The following WDR64 variants were observed in gnomAD, a reference collection of about 807,000 sequenced individuals.
The protein encoded by WDR64 is WD repeat domain 64.
A neutral mutation model predicts 139.3 loss-of-function variants in WDR64; 112 were observed. The observed-to-expected ratio is 0.80, with a 90% CI of 0.69 to 0.94. The LOEUF (loss-of-function observed/expected upper bound fraction) is 0.94, where lower values mean the gene tolerates loss of function less well. Ranked by LOEUF, WDR64 falls within the 40% of genes least tolerant of loss-of-function variation. The probability of loss-of-function intolerance (pLI) is 0.00; values close to 1 mark genes in which losing one functional copy is unlikely to be tolerated. For synonymous variants in WDR64, 444 were observed against 437.7 expected (o/e 1.01, Z -0.18); for missense variants, 1,206 against 1,293.1 (o/e 0.93, Z 1.03).
chr1:241,777,667 C>T (rs1178808630), intron 21 of WDR64, among the ~76,000 whole-genome samples: 1 of 152,160 alleles, frequency 6.6e-6, no homozygotes, highest in South Asian at 2.1e-4. Flanking sequence ...ATCCACCCAC[C>T]TCAGCCTCCC....
intron 1 of WDR64, among the ~76,000 whole-genome samples, chr1:241,653,000 T>C (rs761253362): frequency 2.0e-5 from 3 of 152,212 alleles, no homozygotes; most frequent in Non-Finnish European, 4.4e-5. Context: ...AGCCTAAAGA[T>C]ATCATGAGAC....
chr1:241,681,966 G>C (rs865929322), intron 6 of WDR64, among the ~76,000 whole-genome samples: 14 of 152,094 alleles, frequency 9.2e-5, no homozygotes, highest in Middle Eastern at 6.8e-3. Context: ...CCCACTTTTT[G>C]ATGAGATTGT....
In WDR64 at chr1:241,757,545, CAA is replaced by C. The variant is rs563219809; in HGVS notation, c.1947+88_1947+89del. ...ATATATAAAGGTACAGAAAATAATA[CAA>C]AGAGCTTCTATGTGTTATCACTCAG... On this transcript the variant is annotated intron_variant, in intron 15 of 27. Coordinates refer to ENST00000437684, the MANE Select transcript of WDR64 (RefSeq NM_001367482.1). 1.6e-3 allele frequency: 2,057 copies of C among 1,261,862 alleles called. 10 individuals are homozygous for C. Among genetic ancestry groups the C allele is most frequent in the Middle Eastern group, 0.014 (51 of 3,656 alleles). The allele number at this position is 1,261,862 out of a possible 1,614,324, so 78.2% of individuals were successfully genotyped here.
intron 11 of WDR64, among the ~76,000 whole-genome samples, chr1:241,739,970 CTGT>C (rs10536871): frequency 0.15 from 23,309 of 152,226 alleles, 1,976 homozygotes; most frequent in African/African-American, 0.19. Flanking sequence ...GCTGCTGTCA[CTGT>C]TGTTATCATT....
chr1:241,735,847 CTCTCTCTCTGTG>C (rs1185212355), intron 10 of WDR64, among the ~76,000 whole-genome samples: 1,032 of 102,670 alleles, frequency 0.01, 2 homozygotes, highest in Non-Finnish European at 0.012. Flanking sequence ...CTCTCTCTCT[CTCTCTCTCTGTG>C]TGTGTGTGTG....
At chr1:241,770,542 T>C in intron 17 of WDR64, 79 bp from the exon 18 acceptor site, 2 of 1,303,884 alleles carry the variant, frequency 1.5e-6, no homozygotes, top group South Asian at 2.7e-5. Context: ...CAGCTGAAAT[T>C]AAAGCAGAGA....
At chr1:241,790,954 G>A (rs988787886) in intron 25 of WDR64, among the ~76,000 whole-genome samples, 2 of 152,062 alleles carry the variant, frequency 1.3e-5, no homozygotes, top group Admixed American at 6.6e-5. Context: ...AGAGAAGACC[G>A]TATTCCTTAG....
chr1:241,747,304 G>T (rs867757601), intron 13 of WDR64, among the ~76,000 whole-genome samples: 16 of 152,076 alleles, frequency 1.1e-4, no homozygotes, highest in Admixed American at 1.3e-4. Context: ...GTAAAAAACT[G>T]GTAAAATCTG....
At chr1:241,714,684 A>T (rs903332867) in intron 9 of WDR64, among the ~76,000 whole-genome samples, 1 of 152,200 alleles carries the variant, frequency 6.6e-6, no homozygotes, top group African/African-American at 2.4e-5. Flanking sequence ...AAATTAGCTT[A>T]TGGTTCCAAC....
chr1:241,736,415 T>TAAAAAAAAA lies in WDR64; in HGVS notation c.1195-1938_1195-1930dup, dbSNP rs59588872. On this transcript the variant is annotated intron_variant, in intron 10 of 27. Transcript: ENST00000437684. ...CTTTAGTTCTCTTTATGGAAGAGTT[T>TAAAAAAAAA]AAAAAAAAAAAAAAAAAAGAGTAGG... Among the ~76,000 whole-genome samples, 86 of 134,636 alleles carry TAAAAAAAAA rather than the reference T, an allele frequency of 6.4e-4. 1 individual carries two copies. Among genetic ancestry groups the TAAAAAAAAA allele is most frequent in the African/African-American group, 2.2e-3 (78 of 35,460 alleles). 88.3% of individuals were successfully genotyped at this position (134,636 alleles called of 152,430 possible). A position where few individuals can be genotyped will look rare whatever the true frequency, so the allele number is the denominator to read the frequency against.
In WDR64 at chr1:241,801,050, A is replaced by G; in HGVS notation, c.3193-82A>G. 2.8e-6 allele frequency: 3 copies of G among 1,065,940 alleles called. No individual in the cohort carries two copies. The South Asian group carries it at 4.3e-5, about 15-fold the overall frequency. The allele number at this position is 1,065,940 out of a possible 1,614,324, so 66.0% of individuals were successfully genotyped here. A position where few individuals can be genotyped will look rare whatever the true frequency, so the allele number is the denominator to read the frequency against. On this transcript the variant is annotated intron_variant, in intron 27 of 27. Transcript: ENST00000437684. The stretch of plus-strand genomic sequence containing the variant: ...TAGGAGGATTAAAATCTCTATGTAA[A>G]TTAGCAATACACCTTGACTCTGGAA...
intron 9 of WDR64, among the ~76,000 whole-genome samples, chr1:241,721,655 T>C (rs1220319410): frequency 2.0e-5 from 3 of 149,930 alleles, no homozygotes; most frequent in Non-Finnish European, 4.4e-5. Flanking sequence ...GGATCCCAGT[T>C]TGAAGTTCTT....
At position 241,790,629 on chromosome 1, in the gene WDR64, G is replaced by A. The variant is rs776616455; in HGVS notation, c.2930G>A (p.Arg977His). The A allele has an allele frequency of 3.7e-6, 6 of 1,610,234 alleles. No homozygotes were observed. The highest frequency in any genetic ancestry group is 1.1e-5 in the South Asian group (1 of 90,774). Residue 977 changes from arginine to histidine, a missense_variant, in exon 25 of 28, where the codon CGC becomes CAC. Arg to His is a conservative substitution (Grantham distance 29, BLOSUM62 0). Coordinates refer to ENST00000437684, the MANE Select transcript of WDR64 (RefSeq NM_001367482.1). Reference sequence around the variant, plus strand: ...AGCTCAGTGTCTCTACTTTTCAAACGCACACCTCCCAAGGCCTTTGAAGTG... The same window carrying A: ...AGCTCAGTGTCTCTACTTTTCAAACACACACCTCCCAAGGCCTTTGAAGTG... ...KMSSVSLLFKRTPPKAFEVEQ... is the reference protein window; with the variant it reads ...KMSSVSLLFKHTPPKAFEVEQ...
At position 241,749,630 on chromosome 1, in the gene WDR64, T is replaced by C. The variant is rs1669904043; in HGVS notation, c.1678T>C (p.Cys560Arg). 6.2e-7 allele frequency: 1 copy of C among 1,614,044 alleles called. No individual in the cohort carries two copies. The highest frequency in any genetic ancestry group is 1.3e-5 in the African/African-American group (1 of 74,906). ...GAAAGACTGGAAGGAGGACGAGCAC[T>C]GCCTACGACGCCTCATTTTCCTCAA... is the stretch of plus-strand genomic sequence containing the variant. ...EGKDWKEDEHCLRRLIFLKAQ... is the reference protein window; with the variant it reads ...EGKDWKEDEHRLRRLIFLKAQ... The change falls in exon 14 of 28, where the codon TGC becomes CGC. Residue 560 changes from cysteine (C) to arginine (R), a missense_variant. Transcript: ENST00000437684.
intron 7 of WDR64, among the ~76,000 whole-genome samples, chr1:241,686,643 G>C (rs930186674): frequency 5.9e-5 from 9 of 152,176 alleles, no homozygotes; most frequent in African/African-American, 2.2e-4. Context: ...GGTTTTGTCT[G>C]TAACCTTAAG....
intron 4 of WDR64, among the ~76,000 whole-genome samples, chr1:241,675,446 T>C (rs12759253): frequency 0.75 from 113,220 of 151,948 alleles, 42,570 homozygotes; most frequent in Non-Finnish European, 0.79. Context: ...ATTGCTGTGC[T>C]CTGTGGCAAT....
intron 9 of WDR64, among the ~76,000 whole-genome samples, chr1:241,715,121 A>G (rs1356721813): frequency 1.3e-5 from 2 of 152,226 alleles, no homozygotes; most frequent in Non-Finnish European, 2.9e-5. Context: ...CATATGGATA[A>G]GAAGTCTGTA....
chr1:241,655,370 C>T (rs892519596), intron 1 of WDR64, among the ~76,000 whole-genome samples: 2 of 152,142 alleles, frequency 1.3e-5, no homozygotes, highest in African/African-American at 4.8e-5. Flanking sequence ...GCCTGGGCTA[C>T]AGAGAGAGAC....
At chr1:241,711,643 T>C (rs1460662810) in intron 8 of WDR64, among the ~76,000 whole-genome samples, 159 bp from the exon 9 acceptor site, 2 of 152,238 alleles carry the variant, frequency 1.3e-5, no homozygotes. Flanking sequence ...AGATTCTTAC[T>C]GTTAATTACG....
Sources: allele counts gnomAD v4.1 joint callset (sites outside exome capture counted in the v4.1 genomes callset), GRCh38; gene constraint gnomAD v4.1.1; transcripts MANE v1.5; gene names NCBI Gene and HGNC (gene_info 2026-07-23, HGNC 2026-07-21).